AP1M2: variants seen among roughly 807,000 people sequenced by gnomAD.
AP1M2 encodes AP-1 complex subunit mu-2.
In AP1M2, 41 loss-of-function variants were observed where a neutral mutation model predicts 54.6. The observed-to-expected ratio is 0.75, with a 90% CI of 0.59 to 0.97. AP1M2 has a LOEUF of 0.97. Ranked by LOEUF, AP1M2 falls within the 50% of genes least tolerant of loss-of-function variation. The probability of loss-of-function intolerance (pLI) is 0.00; values close to 1 mark genes in which losing one functional copy is unlikely to be tolerated. For missense variants in AP1M2, 507 were observed against 561.2 expected, an observed-to-expected ratio of 0.90 and a Z score of 0.98; for synonymous variants, 219 against 215.9, an observed-to-expected ratio of 1.01 and a Z score of -0.13.
At chr19:10,577,821 C>T (rs909300489) in intron 8 of AP1M2, among the ~76,000 whole-genome samples, 19 of 151,494 alleles carry the variant, frequency 1.3e-4, no homozygotes, top group Non-Finnish European at 2.8e-4. Flanking sequence ...ACGGCAACCT[C>T]CGCCTCCTGG....
Position 10,579,740 on chromosome 19 carries a change from G to A in AP1M2, c.792C>T (p.Leu264=). ...CCTGGGTGCTGAGGCGGTATGACAT[G>A]AGCTCAAAGTCACCATCAGGCGGGA... ...SFIPPDGDFE[L]MSYRLSTQVK... The change falls in exon 7 of 12, where the codon CTC becomes CTT. Residue 264 remains leucine, a synonymous_variant. Transcript: ENST00000250244. The A allele has an allele frequency of 6.2e-7, 1 of 1,613,856 alleles. No individual in the cohort carries two copies. The highest frequency in any genetic ancestry group is 8.5e-7 in the Non-Finnish European group (1 of 1,179,858).
chr19:10,577,024 T>C (rs1053348310), intron 9 of AP1M2, among the ~76,000 whole-genome samples, 174 bp downstream of exon 9: 4 of 151,858 alleles, frequency 2.6e-5, no homozygotes, highest in Admixed American at 6.6e-5. Flanking sequence ...AGCTCCTGGG[T>C]TCAAGCGATC....
In AP1M2 at chr19:10,572,870, G is replaced by T; in HGVS notation, c.*196C>A. The T allele has an allele frequency of 1.9e-6, 1 of 530,962 alleles. No homozygotes were observed. Among genetic ancestry groups the T allele is most frequent in the Non-Finnish European group, 3.4e-6 (1 of 296,572 alleles). 32.9% of individuals were successfully genotyped at this position (530,962 alleles called of 1,614,324 possible). The stretch of plus-strand genomic sequence containing the variant: ...GATGGGGAAAGCTCCAAGGGCGAGG[G>T]AAGCAGAGAGAGTTTCTCTCCCAGC... On this transcript the variant is annotated 3_prime_UTR_variant, in exon 12 of 12. Coordinates refer to ENST00000250244, the MANE Select transcript of AP1M2 (RefSeq NM_005498.5).
At chr19:10,579,650 G>A (rs908379967) in intron 7 of AP1M2, 66 bp downstream of exon 7, 1 of 1,507,458 alleles carries the variant, frequency 6.6e-7, no homozygotes, top group African/African-American at 1.4e-5. Flanking sequence ...CACTGCGCTG[G>A]GCCCAGGGTC....
intron 9 of AP1M2, among the ~76,000 whole-genome samples, chr19:10,576,020 G>A (rs1197668866): frequency 2.0e-5 from 3 of 149,304 alleles, no homozygotes; most frequent in Non-Finnish European, 3.0e-5. Flanking sequence ...TAATCTGCCC[G>A]CCTCAGCCTC....
At chr19:10,579,122 T>A (rs750274459) in intron 7 of AP1M2, among the ~76,000 whole-genome samples, 159 bp from the exon 8 acceptor site, 1 of 150,264 alleles carries the variant, frequency 6.7e-6, no homozygotes, top group Non-Finnish European at 1.5e-5. Flanking sequence ...CCTCCTGGAC[T>A]AAAGCAATTC....
At chr19:10,585,294 A>AGAAAGAAG (rs748630684) in intron 1 of AP1M2, among the ~76,000 whole-genome samples, 4,379 of 114,934 alleles carry the variant, frequency 0.038, 268 homozygotes, top group Non-Finnish European at 0.05. Context: ...AAAGAAAGAA[A>AGAAAGAAG]GAAAGAAAGA....
intron 9 of AP1M2, 24 bp from the exon 10 acceptor site, chr19:10,575,053 G>A (rs944272906): frequency 6.9e-7 from 1 of 1,457,918 alleles, no homozygotes; most frequent in Non-Finnish European, 9.1e-7. Flanking sequence ...GGGGCATCAG[G>A]TACACGAGGG....
At chr19:10,574,241 A>C in intron 11 of AP1M2, 176 bp downstream of exon 11, 3 of 536,416 alleles carry the variant, frequency 5.6e-6, no homozygotes, top group Non-Finnish European at 6.5e-6. Context: ...GTTGGTCTCG[A>C]ACTCCCGGCC....
chr19:10,585,298 A>AGAAGGAAGGAAG (rs1207368794), intron 1 of AP1M2, among the ~76,000 whole-genome samples: 3,248 of 87,278 alleles, frequency 0.037, 129 homozygotes, highest in Non-Finnish European at 0.052. Flanking sequence ...AAAGAAAGAA[A>AGAAGGAAGGAAG]GAAAGAAAGA....
chr19:10,573,016 T>G lies in AP1M2; in HGVS notation c.*50A>C. 6.5e-7 allele frequency: 1 copy of G among 1,542,496 alleles called. No individual in the cohort carries two copies. The highest frequency in any genetic ancestry group is 2.0e-5 in the Admixed American group (1 of 51,268). The stretch of plus-strand genomic sequence containing the variant: ...ACCTGCCCTCCCTCTAAAATCTGCA[T>G]CCGGGGCTGTAAGGAAGCCCCGTGT... On this transcript the variant is annotated 3_prime_UTR_variant, in exon 12 of 12. Coordinates refer to ENST00000250244, the MANE Select transcript of AP1M2 (RefSeq NM_005498.5).
intron 3 of AP1M2, 66 bp downstream of exon 3, chr19:10,583,540 C>T: frequency 7.8e-7 from 1 of 1,278,222 alleles, no homozygotes; most frequent in Non-Finnish European, 1.1e-6. Context: ...GATCTTGAAT[C>T]TTGAAAGAGG....
rs1917466279 is a variant in AP1M2, at chr19:10,581,642, G to C, written c.399-8C>G. On this transcript the variant is annotated splice_region_variant and splice_polypyrimidine_tract_variant and intron_variant, in intron 4 of 11. Transcript: ENST00000250244. ...CTCTGCTGAGTGATGTACCTGGAGGGAGGGCGGCAGGGACAAGCAGCTGGA... is the reference window on the plus strand; with the variant it reads ...CTCTGCTGAGTGATGTACCTGGAGGCAGGGCGGCAGGGACAAGCAGCTGGA... The C allele has an allele frequency of 6.2e-7, 1 of 1,613,806 alleles. No individual in the cohort carries two copies. Among genetic ancestry groups the C allele is most frequent in the Non-Finnish European group, 8.5e-7 (1 of 1,179,886 alleles).
rs1025421977 is a variant in AP1M2, at chr19:10,579,796, G to A, written c.736C>T (p.Arg246Cys). The change falls in exon 7 of 12, where the codon CGC becomes TGC. Residue 246 changes from arginine (R) to cysteine (C), a missense_variant. By Grantham distance (180) the Arg-to-Cys change is radical. Coordinates refer to ENST00000250244, the MANE Select transcript of AP1M2 (RefSeq NM_005498.5). The stretch of plus-strand genomic sequence containing the variant: ...GAGATGGTGCGGTCGTTGTCAAAGC[G>A]AGAGAGCCGCACGCACTGGTGGAAT... ...VKFHQCVRLS[R>C]FDNDRTISFI... is the part of the protein sequence containing the mutation. The A allele has an allele frequency of 9.3e-6, 15 of 1,613,804 alleles. No individual in the cohort carries two copies. Among genetic ancestry groups the A allele is most frequent in the Non-Finnish European group, 1.1e-5 (13 of 1,179,826 alleles).
Position 10,573,052 on chromosome 19 carries a change from A to T in AP1M2, c.*14T>A. 6.4e-7 allele frequency: 1 copy of T among 1,562,818 alleles called. No homozygotes were observed. Among genetic ancestry groups the T allele is most frequent in the Non-Finnish European group, 8.7e-7 (1 of 1,153,260 alleles). On this transcript the variant is annotated 3_prime_UTR_variant, in exon 12 of 12. Transcript: ENST00000250244. ...AAGGAAGCCCCGTGTTCAAGCCCCC[A>T]TCTCTTCTCCCTTCTAGCTGGTACG... is the stretch of plus-strand genomic sequence containing the variant.
At chr19:10,576,520 C>G (rs1356348409) in intron 9 of AP1M2, among the ~76,000 whole-genome samples, 1 of 152,104 alleles carries the variant, frequency 6.6e-6, no homozygotes, top group Non-Finnish European at 1.5e-5. Flanking sequence ...CCTCGGCCTC[C>G]CAAAGTGCTG....
At position 10,581,879 on chromosome 19, in the gene AP1M2, C is replaced by T. The variant is rs764470341; in HGVS notation, c.268-1G>A. 2 of 1,604,750 alleles carry T rather than the reference C, an allele frequency of 1.2e-6. No individual in the cohort carries two copies. Among genetic ancestry groups the T allele is most frequent in the Non-Finnish European group, 1.7e-6 (2 of 1,175,652 alleles). On this transcript the variant is annotated splice_acceptor_variant, in intron 3 of 11. Transcript: ENST00000250244. LOFTEE classifies it high-confidence loss of function. The stretch of plus-strand genomic sequence containing the variant: ...GCTCCTTGAAGTATTCGCAGAATAC[C>T]TGGGGGTTGGAGGAGAGAGAGACCC...
At chr19:10,587,044 T>G in intron 1 of AP1M2, 146 bp downstream of exon 1, 2 of 869,814 alleles carry the variant, frequency 2.3e-6, no homozygotes, top group Non-Finnish European at 3.5e-6. Flanking sequence ...ACAAGGCGAG[T>G]GGATGCTGGA....
chr19:10,579,528 A>G (rs1325913508), intron 7 of AP1M2, among the ~76,000 whole-genome samples, 188 bp downstream of exon 7: 1 of 139,736 alleles, frequency 7.2e-6, no homozygotes, highest in African/African-American at 2.6e-5. Context: ...TAATTTTTGT[A>G]TTTTTAGTAG....
Sources: allele counts gnomAD v4.1 joint callset (sites outside exome capture counted in the v4.1 genomes callset), GRCh38; gene constraint gnomAD v4.1.1; transcripts MANE v1.5; gene names NCBI Gene and HGNC (gene_info 2026-07-23, HGNC 2026-07-21).